Variants in GCLM observed in about 807,000 individuals in gnomAD.
GCLM encodes glutamate--cysteine ligase regulatory subunit.
A neutral mutation model predicts 36.0 loss-of-function variants in GCLM; 15 were observed. The observed-to-expected ratio is 0.42, with a 90% CI of 0.28 to 0.64. GCLM has a LOEUF of 0.64. GCLM is among the 30% of genes least tolerant of loss of function. The probability of loss-of-function intolerance (pLI) is 0.25; values close to 1 mark genes in which losing one functional copy is unlikely to be tolerated. For missense variants in GCLM, 242 were observed against 325.5 expected, an observed-to-expected ratio of 0.74 and a Z score of 1.97; for synonymous variants, 129 against 122.8, an observed-to-expected ratio of 1.05 and a Z score of -0.34.
At chr1:93,902,324 G>A (rs1656982873) in intron 2 of GCLM, among the ~76,000 whole-genome samples, 1 of 151,926 alleles carries the variant, frequency 6.6e-6, no homozygotes, top group Non-Finnish European at 1.5e-5. Flanking sequence ...GACTACAGGT[G>A]CACGCCGCCA....
At chr1:93,900,250 G>T (rs1379853557) in intron 3 of GCLM, among the ~76,000 whole-genome samples, 3 of 152,124 alleles carry the variant, frequency 2.0e-5, no homozygotes. Flanking sequence ...TGTGCCATCT[G>T]AAATGGCCTC....
intron 6 of GCLM, among the ~76,000 whole-genome samples, chr1:93,892,734 G>A (rs1162139177): frequency 6.6e-6 from 1 of 152,152 alleles, no homozygotes; most frequent in Non-Finnish European, 1.5e-5. Flanking sequence ...CATTCTAAAT[G>A]TCAACATTTA....
Position 93,894,616 on chromosome 1 carries a change from T to A in GCLM, c.653A>T (p.Lys218Ile). 6.6e-7 allele frequency: 1 copy of A among 1,506,502 alleles called. No individual in the cohort carries two copies. The highest frequency in any genetic ancestry group is 9.2e-7 in the Non-Finnish European group (1 of 1,082,648). 93.3% of individuals were successfully genotyped at this position (1,506,502 alleles called of 1,614,324 possible). Residue 218 changes from lysine to isoleucine, a missense_variant and splice_region_variant, in exon 6 of 7, where the codon AAA becomes ATA. Lys to Ile is a moderately radical substitution (Grantham distance 102, BLOSUM62 -3). Coordinates refer to ENST00000370238, the MANE Select transcript of GCLM (RefSeq NM_002061.4). ...TATAATGAAAATATCAGTTTTACCT[T>A]TTGGATCATTGTGAGTCAACAGCTG... is the stretch of plus-strand genomic sequence containing the variant. ...DIQLLTHNDPKELLSEASFQE... is the reference protein window; with the variant it reads ...DIQLLTHNDPIELLSEASFQE...
intron 2 of GCLM, 88 bp from the exon 3 acceptor site, chr1:93,901,757 G>T (rs1334082746): frequency 1.4e-5 from 10 of 727,072 alleles, no homozygotes; most frequent in Non-Finnish European, 2.1e-5. Context: ...ATGCCTTTTA[G>T]AATCAGAGAA....
chr1:93,898,954 C>T (rs576780771), intron 3 of GCLM, among the ~76,000 whole-genome samples: 1 of 152,216 alleles, frequency 6.6e-6, no homozygotes, highest in South Asian at 2.1e-4. Flanking sequence ...TAACGAAGAC[C>T]TATAAAAGCA....
At chr1:93,892,434 A>G (rs1195589032) in intron 6 of GCLM, among the ~76,000 whole-genome samples, 1 of 152,228 alleles carries the variant, frequency 6.6e-6, no homozygotes, top group Non-Finnish European at 1.5e-5. Context: ...ACACAAAATC[A>G]GAGACTATGC....
intron 5 of GCLM, 114 bp from the exon 6 acceptor site, chr1:93,894,842 C>T: frequency 1.6e-6 from 1 of 608,624 alleles, no homozygotes; most frequent in Non-Finnish European, 3.0e-6. Context: ...AATCACAATC[C>T]ACAGTGATTA....
intron 3 of GCLM, among the ~76,000 whole-genome samples, chr1:93,898,991 CAT>C (rs1478891233): frequency 2.6e-5 from 4 of 152,154 alleles, no homozygotes; most frequent in Non-Finnish European, 5.9e-5. Context: ...TTGCCAGTCT[CAT>C]CACCCAAATT....
intron 6 of GCLM, among the ~76,000 whole-genome samples, chr1:93,893,263 CAA>C (rs775253759): frequency 6.6e-6 from 1 of 151,756 alleles, no homozygotes; most frequent in East Asian, 1.9e-4. Context: ...TATTTCCTGA[CAA>C]AAAAAATGTA....
rs761296185 is a variant in GCLM at position 93,889,099 on chromosome 1, G to C, written c.716C>G (p.Ala239Gly). ...TAGCCACAGCGGCACCCACTCGTGC[G>C]CTTGAATGTCAGGAATGCTTTCCTG... is the stretch of plus-strand genomic sequence containing the variant. Reference protein sequence around the residue: ...ALQESIPDIQAHEWVPLWLLR... With the variant: ...ALQESIPDIQGHEWVPLWLLR... The change falls in exon 7 of 7, where the codon GCG (alanine) becomes GGG (glycine). Residue 239 changes from alanine (A) to glycine (G), a missense_variant. Ala to Gly is a moderately conservative substitution (Grantham distance 60, BLOSUM62 0). Transcript: ENST00000370238. 6.2e-7 allele frequency: 1 copy of C among 1,601,202 alleles called. No homozygotes were observed. Among genetic ancestry groups the C allele is most frequent in the South Asian group, 1.1e-5 (1 of 89,026 alleles).
chr1:93,901,128 T>G (rs1241311930), intron 3 of GCLM, among the ~76,000 whole-genome samples: 2 of 152,216 alleles, frequency 1.3e-5, no homozygotes, highest in African/African-American at 4.8e-5. Context: ...TTACTACATT[T>G]CCTGAATGGG....
At position 93,897,903 on chromosome 1, in the gene GCLM, G is replaced by A. The variant is rs765189842; in HGVS notation, c.278-5C>T. On this transcript the variant is annotated splice_region_variant and splice_polypyrimidine_tract_variant and intron_variant, in intron 3 of 6. Transcript: ENST00000370238. ...ATTCTACAATGAACAGTTTTGCTGGGTAACAAAGAAAACAAAACTGATTAC... is the reference window on the plus strand; with the variant it reads ...ATTCTACAATGAACAGTTTTGCTGGATAACAAAGAAAACAAAACTGATTAC... The A allele has an allele frequency of 2.0e-6, 3 of 1,528,780 alleles. No individual in the cohort carries two copies. Among genetic ancestry groups the A allele is most frequent in the Admixed American group, 2.3e-5 (1 of 42,842 alleles). 94.7% of individuals were successfully genotyped at this position (1,528,780 alleles called of 1,614,324 possible). A position where few individuals can be genotyped will look rare whatever the true frequency, so the allele number is the denominator to read the frequency against.
intron 3 of GCLM, among the ~76,000 whole-genome samples, chr1:93,899,868 T>C (rs1656882631): frequency 6.6e-6 from 1 of 152,190 alleles, no homozygotes; most frequent in Non-Finnish European, 1.5e-5. Flanking sequence ...TATATGTACA[T>C]ATTTACTTTA....
intron 5 of GCLM, among the ~76,000 whole-genome samples, chr1:93,896,258 G>A (rs1242072533): frequency 1.3e-5 from 2 of 152,056 alleles, no homozygotes; most frequent in African/African-American, 2.4e-5. Context: ...ACCACACCCG[G>A]CCGTAAGGTT....
chr1:93,885,750 CAATA>C lies in GCLM; in HGVS notation c.*3236_*3239del, dbSNP rs1656280423. The C allele has an allele frequency of 6.6e-6, 1 of 152,044 alleles. No individual in the cohort carries two copies. The highest frequency in any genetic ancestry group is 2.4e-5 in the African/African-American group (1 of 41,366). The allele number at this position is 152,044 out of a possible 1,614,324, so 9.4% of individuals were successfully genotyped here. ...GAAGGATGAACTGCTAGCCAACATA[CAATA>C]AATATATCAATTGTTTACATTCCCA... is the stretch of plus-strand genomic sequence containing the variant. On this transcript the variant is annotated 3_prime_UTR_variant, in exon 7 of 7. Transcript: ENST00000370238.
chr1:93,905,173 CAA>C lies in GCLM; in HGVS notation c.127-587_127-586del, dbSNP rs921621833. ...GGGCAACAGAGCAAGACTCTATTTC[CAA>C]AAAAAAAAAAAAAAAAAGGCATTCA... On this transcript the variant is annotated intron_variant, in intron 1 of 6. Transcript: ENST00000370238. Among the ~76,000 whole-genome samples the C allele has an allele frequency of 3.6e-3, 243 of 68,298 alleles. 3 individuals are homozygous for C. Among genetic ancestry groups the C allele is most frequent in the African/African-American group, 8.4e-3 (203 of 24,030 alleles). 44.8% of individuals were successfully genotyped at this position (68,298 alleles called of 152,430 possible).
Position 93,896,737 on chromosome 1 carries a change from C to G in GCLM, c.421G>C (p.Glu141Gln), listed in dbSNP as rs142756309. 277 of 1,611,206 alleles carry G rather than the reference C, an allele frequency of 1.7e-4. No homozygotes were observed. Among genetic ancestry groups the G allele is most frequent in the Admixed American group, 3.8e-4 (23 of 59,984 alleles). The change falls in exon 5 of 7, where the codon GAG (glutamate) becomes CAG (glutamine). Residue 141 changes from glutamate to glutamine, a missense_variant. Glu to Gln is a conservative substitution (Grantham distance 29). Transcript: ENST00000370238. ...TCCTCCCAGTAAGGCTGTAAATGCT[C>G]CAAGGAAAGATTAACTCCATCTTCA... ...PIEDGVNLSL[E>Q]HLQPYWEELE...
intron 1 of GCLM, among the ~76,000 whole-genome samples, chr1:93,907,547 C>G (rs1657188514): frequency 6.6e-6 from 1 of 152,150 alleles, no homozygotes; most frequent in Non-Finnish European, 1.5e-5. Context: ...TTTTGAGTCA[C>G]TACTTTAGAG....
intron 4 of GCLM, 36 bp from the exon 5 acceptor site, chr1:93,896,856 T>C (rs1010077980): frequency 2.6e-6 from 3 of 1,165,276 alleles, no homozygotes; most frequent in Non-Finnish European, 3.9e-6. Context: ...AATAAATGCT[T>C]ACATCATAAA....
Sources: allele counts gnomAD v4.1 joint callset (sites outside exome capture counted in the v4.1 genomes callset), GRCh38; gene constraint gnomAD v4.1.1; transcripts MANE v1.5; gene names NCBI Gene and HGNC (gene_info 2026-07-23, HGNC 2026-07-21).